The following ANK3 variants were observed in gnomAD, a reference collection of about 807,000 sequenced individuals.
ANK3 encodes the protein ankyrin-3.
In ANK3, 57 loss-of-function variants were observed where a neutral mutation model predicts 370.9. The ratio of observed to expected loss-of-function variants is 0.15; its 90% CI spans 0.12 to 0.19. The LOEUF is 0.19. Among genes scored for constraint, ANK3 ranks in the 10% least tolerant of loss-of-function variants. ANK3 has a pLI of 1.00. For synonymous variants in ANK3, 1,929 were observed against 1,946.3 expected, an observed-to-expected ratio of 0.99 and a Z score of 0.23; for missense variants, 4,439 against 5,302.1, an observed-to-expected ratio of 0.84 and a Z score of 5.06.
intron 1 of ANK3, among the ~76,000 whole-genome samples, chr10:60,617,357 A>G (rs539915467): frequency 6.6e-6 from 1 of 152,152 alleles, no homozygotes; most frequent in East Asian, 1.9e-4. Context: ...ACGTGAGATG[A>G]GTACTTACTA....
At chr10:60,690,430 T>A (rs2133402099) in intron 1 of ANK3, among the ~76,000 whole-genome samples, 1 of 152,320 alleles carries the variant, frequency 6.6e-6, no homozygotes, top group Admixed American at 6.5e-5. Context: ...TATAAGGAAG[T>A]CCAAAGTAGT....
Position 60,248,334 on chromosome 10 carries a change from C to T in ANK3, c.798+13525G>A, listed in dbSNP as rs577704184. Among the ~76,000 whole-genome samples, 11 of 152,164 alleles carry T rather than the reference C, an allele frequency of 7.2e-5. No homozygotes were observed. In the South Asian group the frequency reaches 1.2e-3, roughly 17 times the overall value. Reference sequence around the variant, plus strand: ...CATATCTTCACATCCTTGCCAAGACCGGCTATTTTCTGATTTTTTTTGATA... The same window carrying T: ...CATATCTTCACATCCTTGCCAAGACTGGCTATTTTCTGATTTTTTTTGATA... On this transcript the variant is annotated intron_variant, in intron 7 of 43. Coordinates refer to ENST00000280772, the MANE Select transcript of ANK3 (RefSeq NM_020987.5).
At chr10:60,693,741 C>T in intron 1 of ANK3, among the ~76,000 whole-genome samples, 2 of 152,128 alleles carry the variant, frequency 1.3e-5, no homozygotes, top group East Asian at 3.9e-4. Context: ...ACACCAAAAA[C>T]CCATCTGTAC....
chr10:60,411,905 C>T (rs2063567911), intron 2 of ANK3, among the ~76,000 whole-genome samples: 1 of 152,102 alleles, frequency 6.6e-6, no homozygotes, highest in African/African-American at 2.4e-5. Context: ...AATTAGAAGA[C>T]AGCCAGGGCA....
At chr10:60,157,574 A>C (rs974850183) in intron 23 of ANK3, among the ~76,000 whole-genome samples, 1 of 151,986 alleles carries the variant, frequency 6.6e-6, no homozygotes, top group Non-Finnish European at 1.5e-5. Context: ...TTAAGATAAC[A>C]AAGAGCAGAA....
intron 1 of ANK3, among the ~76,000 whole-genome samples, chr10:60,634,126 A>G (rs1424145792): frequency 2.6e-5 from 4 of 152,250 alleles, no homozygotes; most frequent in Admixed American, 1.3e-4. Context: ...ATAATGGGAT[A>G]TAACAAGCTT....
rs1473658367 is a variant in ANK3 at position 60,495,410 on chromosome 10, A to G, written c.96+119776T>C. Among the ~76,000 whole-genome samples the G allele has an allele frequency of 2.0e-5, 3 of 152,178 alleles. No homozygotes were observed. In the East Asian group the frequency reaches 5.8e-4, roughly 29 times the overall value. On this transcript the variant is annotated intron_variant, in intron 2 of 43. Transcript: ENST00000373827. ...CAGAATTTGCATGCTGACAACATCC[A>G]TCAGTGCTTGGTAGACACATTACAG... is the stretch of plus-strand genomic sequence containing the variant.
intron 7 of ANK3, among the ~76,000 whole-genome samples, chr10:60,250,284 T>A (rs1033557066): frequency 4.6e-5 from 7 of 152,236 alleles, no homozygotes; most frequent in African/African-American, 1.7e-4. Flanking sequence ...TCAGAATCTA[T>A]GGGAAAATGT....
intron 13 of ANK3, 41 bp from the exon 14 acceptor site, chr10:60,198,578 A>G: frequency 6.4e-7 from 1 of 1,574,152 alleles, no homozygotes; most frequent in Non-Finnish European, 8.7e-7. Context: ...TGAGCTGAGG[A>G]AACAATGGTG....
At chr10:60,604,585 C>G (rs1017084880) in intron 2 of ANK3, among the ~76,000 whole-genome samples, 1 of 152,128 alleles carries the variant, frequency 6.6e-6, no homozygotes, top group Admixed American at 6.6e-5. Flanking sequence ...GCAGTTCTAG[C>G]CTGTAAGAAA....
At chr10:60,252,413 T>C (rs761877323) in intron 7 of ANK3, among the ~76,000 whole-genome samples, 14 of 152,118 alleles carry the variant, frequency 9.2e-5, no homozygotes, top group Admixed American at 2.0e-4. Flanking sequence ...ATGGGGGAAA[T>C]AAAAATTCTA....
At chr10:60,063,654 A>C (rs983149421) in intron 39 of ANK3, among the ~76,000 whole-genome samples, 1 of 152,208 alleles carries the variant, frequency 6.6e-6, no homozygotes, top group Non-Finnish European at 1.5e-5. Context: ...TTTATTCCAC[A>C]TTGTTGTGGG....
intron 7 of ANK3, among the ~76,000 whole-genome samples, chr10:60,248,357 A>T (rs992769302): frequency 3.3e-5 from 5 of 152,066 alleles, no homozygotes; most frequent in African/African-American, 1.2e-4. Context: ...ATTTTTTTTG[A>T]TAGTAGCCAT....
At chr10:60,032,194 C>CTTTTTTGTTTTTTTTTTTTT (rs2073795602) in intron 43 of ANK3, among the ~76,000 whole-genome samples, 1 of 43,114 alleles carries the variant, frequency 2.3e-5, no homozygotes, top group Non-Finnish European at 4.5e-5. Flanking sequence ...TACACAGCTT[C>CTTTTTTGTTTTTTTTTTTTT]TTTTTTTTTT....
intron 23 of ANK3, among the ~76,000 whole-genome samples, chr10:60,143,590 GA>G (rs1272864761): frequency 1.3e-5 from 2 of 152,202 alleles, no homozygotes; most frequent in Non-Finnish European, 2.9e-5. Context: ...AGTGAAATAA[GA>G]GCTGTGTTAT....
chr10:60,105,786 A>T (rs1033490356), intron 28 of ANK3, 119 bp downstream of exon 28: 7 of 1,065,470 alleles, frequency 6.6e-6, no homozygotes, highest in Non-Finnish European at 7.8e-6. Context: ...AAGCTGAAGA[A>T]CTTGGGTCCT....
At chr10:60,482,581 A>T (rs2075252100) in intron 2 of ANK3, among the ~76,000 whole-genome samples, 1 of 152,032 alleles carries the variant, frequency 6.6e-6, no homozygotes, top group Non-Finnish European at 1.5e-5. Context: ...CGACATTGTG[A>T]GCTCAATAGA....
intron 1 of ANK3, among the ~76,000 whole-genome samples, chr10:60,363,079 C>CGGGGGGGGGGGGGGGG (rs2058860614): frequency 1.6e-5 from 1 of 61,064 alleles, no homozygotes; most frequent in Admixed American, 2.0e-4. Flanking sequence ...TTGCGGCGGG[C>CGGGGGGGGGGGGGGGG]GGGCGGGGGA....
chr10:60,347,417 C>T (rs2055844193), intron 1 of ANK3, among the ~76,000 whole-genome samples: 1 of 151,760 alleles, frequency 6.6e-6, no homozygotes, highest in Non-Finnish European at 1.5e-5. Flanking sequence ...TGAAGCACTT[C>T]CTTGGGATTG....
Sources: gnomAD v4.1 joint callset for allele counts (sites outside exome capture counted in the v4.1 genomes callset) on GRCh38, gnomAD v4.1.1 for gene constraint, MANE v1.5 for transcripts, NCBI Gene and HGNC (gene_info 2026-07-23, HGNC 2026-07-21) for gene names.